Variants in EDIL3 observed in about 807,000 individuals in gnomAD.
EDIL3 encodes the protein EGF-like repeat and discoidin I-like domain-containing protein 3.
EDIL3 carries 37 observed loss-of-function variants against 67.4 expected under a neutral mutation model. The observed-to-expected ratio is 0.55, with a 90% CI of 0.42 to 0.72. The LOEUF is 0.72. Ranked by LOEUF, EDIL3 falls within the 30% of genes least tolerant of loss-of-function variation. The pLI, the probability that EDIL3 is intolerant of heterozygous loss-of-function variation, is 0.00. For missense variants in EDIL3, 527 were observed against 586.3 expected, an observed-to-expected ratio of 0.90 and a Z score of 1.04; for synonymous variants, 195 against 196.3, an observed-to-expected ratio of 0.99 and a Z score of 0.05.
chr5:83,949,182 C>T (rs985189070), intron 10 of EDIL3, among the ~76,000 whole-genome samples: 7 of 151,762 alleles, frequency 4.6e-5, no homozygotes, highest in African/African-American at 1.4e-4. Flanking sequence ...CCCAACAACA[C>T]TACAGCACAA....
chr5:84,021,235 C>T (rs1361048495), intron 9 of EDIL3, among the ~76,000 whole-genome samples: 1 of 149,448 alleles, frequency 6.7e-6, no homozygotes, highest in East Asian at 2.0e-4. Flanking sequence ...CTGCTTTTAT[C>T]TTCATCATGT....
intron 10 of EDIL3, among the ~76,000 whole-genome samples, chr5:83,947,363 C>CTGTGTGTG (rs71605883): frequency 3.0e-4 from 38 of 126,652 alleles, no homozygotes; most frequent in South Asian, 8.5e-4. Context: ...GTGTCTGTGT[C>CTGTGTGTG]TGTGTCTGTG....
chr5:84,355,794 CT>C (rs1747468218), intron 1 of EDIL3, among the ~76,000 whole-genome samples: 1 of 152,194 alleles, frequency 6.6e-6, no homozygotes, highest in Non-Finnish European at 1.5e-5. Flanking sequence ...CAGTCTGTCC[CT>C]TTGCAGAGCT....
intron 1 of EDIL3, among the ~76,000 whole-genome samples, chr5:84,299,451 T>A (rs1243883785): frequency 6.6e-6 from 1 of 152,184 alleles, no homozygotes; most frequent in Admixed American, 6.5e-5. Flanking sequence ...CCACTCCTCA[T>A]AGATCCCTAC....
At chr5:84,129,464 C>CTTTA (rs1445706719) in intron 5 of EDIL3, among the ~76,000 whole-genome samples, 4 of 151,772 alleles carry the variant, frequency 2.6e-5, no homozygotes, top group Admixed American at 2.0e-4. Context: ...TAGTCAATTC[C>CTTTA]TTTATTTATT....
intron 6 of EDIL3, among the ~76,000 whole-genome samples, chr5:84,097,802 T>C (rs530624102): frequency 3.7e-4 from 56 of 151,894 alleles, no homozygotes; most frequent in Non-Finnish European, 6.9e-4. Flanking sequence ...TTACTACAAA[T>C]AGCTATAAAA....
intron 2 of EDIL3, among the ~76,000 whole-genome samples, chr5:84,233,407 A>ACATCT (rs1381087529): frequency 1.5e-4 from 23 of 152,334 alleles, no homozygotes; most frequent in African/African-American, 5.3e-4. Flanking sequence ...TTTCACTGGG[A>ACATCT]AACAGCCATG....
chr5:84,190,317 C>T (rs967363953), intron 3 of EDIL3, among the ~76,000 whole-genome samples: 1 of 151,808 alleles, frequency 6.6e-6, no homozygotes, highest in Non-Finnish European at 1.5e-5. Flanking sequence ...TATTTCCAAA[C>T]AAAATCCTGC....
At chr5:83,981,324 G>A (rs527277874) in intron 9 of EDIL3, among the ~76,000 whole-genome samples, 2 of 152,158 alleles carry the variant, frequency 1.3e-5, no homozygotes, top group South Asian at 4.1e-4. Flanking sequence ...ATGTACATGT[G>A]TATACATACT....
chr5:84,250,819 A>C (rs1168858915), intron 2 of EDIL3, among the ~76,000 whole-genome samples: 1 of 152,216 alleles, frequency 6.6e-6, no homozygotes, highest in African/African-American at 2.4e-5. Context: ...AAAAATATAA[A>C]GATTCAGAAT....
Position 83,990,879 on chromosome 5 carries a change from CAATAAATAAATA to C in EDIL3, c.1138-27531_1138-27520del, listed in dbSNP as rs200045595. ...TGGGCAACAGAGAAAGACTCTGTCT[CAATAAATAAATA>C]AATAAATAAATAAATAAATAAATAA... is the stretch of plus-strand genomic sequence containing the variant. On this transcript the variant is annotated intron_variant, in intron 9 of 10. Coordinates refer to ENST00000296591, the MANE Select transcript of EDIL3 (RefSeq NM_005711.5). 7.6e-3 allele frequency among the ~76,000 whole-genome samples: 1,072 copies of C among 140,300 alleles called. 10 individuals are homozygous for C. Among genetic ancestry groups the C allele is most frequent in the African/African-American group, 0.019 (723 of 37,790 alleles). The allele number at this position is 140,300 out of a possible 152,430, so 92.0% of individuals were successfully genotyped here.
chr5:84,176,500 A>G (rs1467666762), intron 4 of EDIL3, among the ~76,000 whole-genome samples: 2 of 151,244 alleles, frequency 1.3e-5, no homozygotes, highest in Admixed American at 1.3e-4. Flanking sequence ...GCACAGGTAG[A>G]GAAGAATGTA....
At chr5:84,286,522 A>C (rs1175259611) in intron 1 of EDIL3, among the ~76,000 whole-genome samples, 1 of 152,172 alleles carries the variant, frequency 6.6e-6, no homozygotes, top group East Asian at 1.9e-4. Flanking sequence ...ATGAATCAAG[A>C]CAATATATTT....
chr5:84,133,955 T>TA (rs748302728), intron 5 of EDIL3, among the ~76,000 whole-genome samples: 1 of 152,016 alleles, frequency 6.6e-6, no homozygotes, highest in African/African-American at 2.4e-5. Context: ...AATAATTACT[T>TA]AAAAAACTAC....
At chr5:84,125,537 T>A (rs1343176627) in intron 5 of EDIL3, among the ~76,000 whole-genome samples, 2 of 152,032 alleles carry the variant, frequency 1.3e-5, no homozygotes, top group Non-Finnish European at 2.9e-5. Context: ...TGAACTCTGA[T>A]ACAAGAAAGG....
intron 4 of EDIL3, among the ~76,000 whole-genome samples, chr5:84,150,485 T>A (rs1338550102): frequency 1.3e-5 from 2 of 152,136 alleles, no homozygotes; most frequent in South Asian, 4.1e-4. Flanking sequence ...ATATTTGAAC[T>A]GACAGTTCCT....
chr5:84,062,429 T>C (rs1278763473), intron 8 of EDIL3, among the ~76,000 whole-genome samples: 2 of 152,110 alleles, frequency 1.3e-5, no homozygotes, highest in Non-Finnish European at 2.9e-5. Context: ...TAACATAGTA[T>C]TGAAGTACTG....
chr5:84,046,284 C>A (rs964696140), intron 9 of EDIL3, among the ~76,000 whole-genome samples: 2 of 152,094 alleles, frequency 1.3e-5, no homozygotes, highest in African/African-American at 2.4e-5. Flanking sequence ...CTGGCTGGAC[C>A]CACCAGGAGC....
In EDIL3 at chr5:83,943,317, A is replaced by G; in HGVS notation, c.*102T>C. 1 of 1,511,002 alleles carries G rather than the reference A, an allele frequency of 6.6e-7. No individual in the cohort carries two copies. Among genetic ancestry groups the G allele is most frequent in the Non-Finnish European group, 8.9e-7 (1 of 1,122,476 alleles). The allele number at this position is 1,511,002 out of a possible 1,614,324, so 93.6% of individuals were successfully genotyped here. On this transcript the variant is annotated 3_prime_UTR_variant, in exon 11 of 11. Coordinates refer to ENST00000296591, the MANE Select transcript of EDIL3 (RefSeq NM_005711.5). ...ATAATTTGAGCACTTTTTCATGAAAAAAAAAAAAAAACCATTCAGTTTCCT... is the reference window on the plus strand; with the variant it reads ...ATAATTTGAGCACTTTTTCATGAAAGAAAAAAAAAAACCATTCAGTTTCCT...
Sources: gnomAD v4.1 joint callset for allele counts (sites outside exome capture counted in the v4.1 genomes callset) on GRCh38, gnomAD v4.1.1 for gene constraint, MANE v1.5 for transcripts, NCBI Gene and HGNC (gene_info 2026-07-23, HGNC 2026-07-21) for gene names.